Variants in SLC35D4 observed in about 807,000 individuals in gnomAD.
SLC35D4 encodes the protein solute carrier family 35 member D4, also known as UDP-N-acetylglucosamine transporter SLC35D4.
the SLC35D4 span, among the ~76,000 whole-genome samples, chr18:23,428,375 A>G: frequency 4.6e-5 from 7 of 152,204 alleles, no homozygotes; most frequent in Non-Finnish European, 7.3e-5. Flanking sequence ...ATCAGCAAAG[A>G]GAATCACAGT....
the SLC35D4 span, among the ~76,000 whole-genome samples, chr18:23,326,437 G>A: frequency 2.0e-4 from 31 of 152,216 alleles, no homozygotes; most frequent in African/African-American, 7.0e-4. Flanking sequence ...AACCAACAAA[G>A]TTCAAAAGAG....
At chr18:23,252,914 C>A in the SLC35D4 span, 2 of 1,300,480 alleles carry the variant, frequency 1.5e-6, no homozygotes, top group Non-Finnish European at 2.2e-6. Context: ...TTATTACATA[C>A]GACCCTTGTT....
the SLC35D4 span, among the ~76,000 whole-genome samples, chr18:23,405,711 G>T: frequency 6.6e-6 from 1 of 152,296 alleles, no homozygotes; most frequent in South Asian, 2.1e-4. Flanking sequence ...GGGGTGTCGG[G>T]GAAGGAGAGA....
At chr18:23,295,332 A>C in the SLC35D4 span, among the ~76,000 whole-genome samples, 1 of 151,958 alleles carries the variant, frequency 6.6e-6, no homozygotes, top group Non-Finnish European at 1.5e-5. Flanking sequence ...CCTACGTAAC[A>C]AACCCGCACA....
the SLC35D4 span, among the ~76,000 whole-genome samples, chr18:23,339,099 C>T: frequency 6.6e-6 from 1 of 152,196 alleles, no homozygotes; most frequent in African/African-American, 2.4e-5. Flanking sequence ...CTATGTTGCC[C>T]AGGCTGGTCT....
chr18:23,359,254 G>A, the SLC35D4 span, among the ~76,000 whole-genome samples: 10 of 152,030 alleles, frequency 6.6e-5, no homozygotes, highest in South Asian at 2.1e-4. Context: ...GCGTGGTGGC[G>A]GGTGCCTGTA....
chr18:23,387,300 C>G, the SLC35D4 span, among the ~76,000 whole-genome samples: 2 of 152,130 alleles, frequency 1.3e-5, 1 homozygote, highest in South Asian at 4.1e-4. Context: ...ACTCTGGGCT[C>G]CAGCTCCACC....
At chr18:23,340,645 T>G in the SLC35D4 span, among the ~76,000 whole-genome samples, 2 of 152,182 alleles carry the variant, frequency 1.3e-5, no homozygotes, top group African/African-American at 4.8e-5. Context: ...CCCAGGGCCA[T>G]AGAAAAAAAC....
chr18:23,372,389 G>A, the SLC35D4 span, among the ~76,000 whole-genome samples: 4 of 152,110 alleles, frequency 2.6e-5, no homozygotes, highest in Non-Finnish European at 4.4e-5. Flanking sequence ...GACTGCCCTC[G>A]CCTGCTTTCT....
chr18:23,246,480 C>CT, the SLC35D4 span, among the ~76,000 whole-genome samples: 1 of 152,040 alleles, frequency 6.6e-6, no homozygotes, highest in Non-Finnish European at 1.5e-5. Context: ...CAAGCTCCGC[C>CT]TCCCGGGTTC....
At chr18:23,373,601 T>A in the SLC35D4 span, 2 of 1,249,596 alleles carry the variant, frequency 1.6e-6, no homozygotes, top group African/African-American at 3.0e-5. Flanking sequence ...TGCTTCTGCA[T>A]AGGCCAAGTT....
the SLC35D4 span, among the ~76,000 whole-genome samples, chr18:23,274,452 G>T: frequency 6.6e-6 from 1 of 152,214 alleles, no homozygotes; most frequent in African/African-American, 2.4e-5. Context: ...CATGCCTTAG[G>T]ACAAGGTGAG....
chr18:23,275,106 TTGTGTGTGCATG>T, the SLC35D4 span, among the ~76,000 whole-genome samples: 14 of 149,316 alleles, frequency 9.4e-5, no homozygotes, highest in Admixed American at 2.0e-4. Context: ...TTGTGTGTTT[TTGTGTGTGCATG>T]TGTGTGTGCT....
At chr18:23,366,379 A>G in the SLC35D4 span, among the ~76,000 whole-genome samples, 1 of 152,142 alleles carries the variant, frequency 6.6e-6, no homozygotes, top group South Asian at 2.1e-4. Context: ...TTCTATCAAA[A>G]CTCATGCCAT....
the SLC35D4 span, among the ~76,000 whole-genome samples, chr18:23,403,399 G>A: frequency 5.3e-5 from 8 of 152,330 alleles, no homozygotes; most frequent in African/African-American, 1.2e-4. Flanking sequence ...TATACGTGAC[G>A]TTTGAGAGGG....
the SLC35D4 span, among the ~76,000 whole-genome samples, chr18:23,415,502 A>G: frequency 3.6e-3 from 552 of 152,328 alleles, no homozygotes; most frequent in Non-Finnish European, 5.4e-3. Context: ...GAAGTCTCCA[A>G]TGAAATTACA....
chr18:23,382,655 G>C, the SLC35D4 span, among the ~76,000 whole-genome samples: 1 of 152,196 alleles, frequency 6.6e-6, no homozygotes, highest in Non-Finnish European at 1.5e-5. Flanking sequence ...AGAAGCACAT[G>C]TTAGAACTGA....
chr18:23,304,705 A>G, the SLC35D4 span, among the ~76,000 whole-genome samples: 1 of 152,046 alleles, frequency 6.6e-6, no homozygotes, highest in Non-Finnish European at 1.5e-5. Flanking sequence ...GCAGAGGAAG[A>G]GGGGGGAGGA....
At chr18:23,300,624 G>A in the SLC35D4 span, among the ~76,000 whole-genome samples, 2 of 152,204 alleles carry the variant, frequency 1.3e-5, no homozygotes, top group African/African-American at 4.8e-5. Context: ...GAGCCAGGGA[G>A]GTGAGCTTTG....
Sources: gnomAD v4.1 joint callset for allele counts (sites outside exome capture counted in the v4.1 genomes callset) on GRCh38, gnomAD v4.1.1 for gene constraint, MANE v1.5 for transcripts, NCBI Gene and HGNC (gene_info 2026-07-23, HGNC 2026-07-21) for gene names.